Variants in RPH3A observed in about 807,000 individuals in gnomAD.
RPH3A encodes the protein rabphilin 3A, also known as rabphilin-3A.
A neutral mutation model predicts 102.2 loss-of-function variants in RPH3A; 48 were observed. That is an observed-to-expected ratio of 0.47 (90% confidence interval 0.37 to 0.60). The LOEUF (loss-of-function observed/expected upper bound fraction) is 0.60, where lower values mean the gene tolerates loss of function less well. RPH3A is among the 20% of genes least tolerant of loss of function. The pLI, the probability that RPH3A is intolerant of heterozygous loss-of-function variation, is 0.00. For missense variants in RPH3A, 781 were observed against 910.1 expected (o/e 0.86, Z 1.83); for synonymous variants, 310 against 324.3 (o/e 0.96, Z 0.47).
intron 1 of RPH3A, among the ~76,000 whole-genome samples, chr12:112,629,511 C>CA (rs2039789184): frequency 6.9e-6 from 1 of 143,920 alleles, no homozygotes; most frequent in African/African-American, 2.7e-5. Flanking sequence ...CTCTGTCACC[C>CA]AGGCTGGAGT....
intron 1 of RPH3A, among the ~76,000 whole-genome samples, chr12:112,767,743 T>C (rs1050441689): frequency 3.9e-5 from 6 of 152,108 alleles, no homozygotes; most frequent in African/African-American, 1.4e-4. Flanking sequence ...CACAGGACTT[T>C]GGTGGGAATT....
chr12:112,694,663 C>G lies in RPH3A; in HGVS notation c.-139-97480C>G, dbSNP rs1406258765. Among the ~76,000 whole-genome samples, 31 of 147,122 alleles carry G rather than the reference C, an allele frequency of 2.1e-4. No individual in the cohort carries two copies. The South Asian group carries it at 6.0e-3, about 28-fold the overall frequency. ...GCGCGCGCACACGCACACACACACACACACACACACACACACACACAGAGA... is the reference window on the plus strand; with the variant it reads ...GCGCGCGCACACGCACACACACACAGACACACACACACACACACACAGAGA... On this transcript the variant is annotated intron_variant, in intron 1 of 21. Transcript: ENST00000543106.
chr12:112,868,086 G>A (rs2042641991), intron 7 of RPH3A: 2 of 222,140 alleles, frequency 9.0e-6, no homozygotes, highest in Non-Finnish European at 1.8e-5. Context: ...GTGTAGTGGA[G>A]AGCATGCCAC....
chr12:112,647,484 A>G (rs534775271), intron 1 of RPH3A, among the ~76,000 whole-genome samples: 47 of 152,308 alleles, frequency 3.1e-4, no homozygotes, highest in Non-Finnish European at 4.6e-4. Context: ...AATAAAACAG[A>G]GAGATGTTCT....
chr12:112,818,307 TAAAAAA>T (rs745954372), intron 2 of RPH3A, among the ~76,000 whole-genome samples: 1 of 43,832 alleles, frequency 2.3e-5, no homozygotes, highest in African/African-American at 7.9e-5. Context: ...TCAAGAAGAA[TAAAAAA>T]AAAAAAAAAA....
chr12:112,579,072 T>C (rs1278984814), intron 1 of RPH3A, among the ~76,000 whole-genome samples: 1 of 152,228 alleles, frequency 6.6e-6, no homozygotes, highest in African/African-American at 2.4e-5. Context: ...ATACTTTTTT[T>C]GTATACAATT....
intron 1 of RPH3A, among the ~76,000 whole-genome samples, chr12:112,669,300 C>T (rs1007635685): frequency 1.4e-4 from 21 of 152,124 alleles, no homozygotes; most frequent in South Asian, 4.2e-4. Context: ...TTGATCATTC[C>T]ATGTTGTAAA....
chr12:112,802,702 T>C (rs1368742288), intron 2 of RPH3A, among the ~76,000 whole-genome samples: 1 of 152,032 alleles, frequency 6.6e-6, no homozygotes, highest in South Asian at 2.1e-4. Flanking sequence ...CTTAAATGGC[T>C]ACTTCCCACT....
rs1158230534 is a variant in RPH3A at position 112,640,325 on chromosome 12, C to CAAA, written c.-140+65045_-140+65047dup. Among the ~76,000 whole-genome samples the CAAA allele has an allele frequency of 6.4e-3, 90 of 14,074 alleles. 33 individuals are homozygous for CAAA. The highest frequency in any genetic ancestry group is 0.014 in the Non-Finnish European group (52 of 3,598). 9.2% of individuals were successfully genotyped at this position (14,074 alleles called of 152,430 possible). A position where few individuals can be genotyped will look rare whatever the true frequency, so the allele number is the denominator to read the frequency against. On this transcript the variant is annotated intron_variant, in intron 1 of 21. Transcript: ENST00000543106. ...GGTCAACAAGAGCAAAACTCCATCT[C>CAAA]AAAAAAAAAAAAAAAAAAAAAAAAA...
chr12:112,837,347 CCAAA>C (rs1433626140), intron 4 of RPH3A, among the ~76,000 whole-genome samples: 6 of 152,144 alleles, frequency 3.9e-5, no homozygotes, highest in African/African-American at 1.2e-4. Flanking sequence ...TAAAGCTTAA[CCAAA>C]CAAAGTTAGA....
rs1051418685 is a variant in RPH3A, at chr12:112,640,329, A to C, written c.-140+65010A>C. Among the ~76,000 whole-genome samples, 31 of 93,782 alleles carry C rather than the reference A, an allele frequency of 3.3e-4. 1 individual carries two copies. The East Asian group carries it at 3.4e-3, about 10-fold the overall frequency. 61.5% of individuals were successfully genotyped at this position (93,782 alleles called of 152,430 possible). On this transcript the variant is annotated intron_variant, in intron 1 of 21. Transcript: ENST00000543106. ...AACAAGAGCAAAACTCCATCTCAAA[A>C]AAAAAAAAAAAAAAAAAAAAAAAAA...
At chr12:112,857,148 C>T (rs2042424775) in intron 5 of RPH3A, among the ~76,000 whole-genome samples, 1 of 152,082 alleles carries the variant, frequency 6.6e-6, no homozygotes, top group South Asian at 2.1e-4. Flanking sequence ...TGACCGGAAC[C>T]TCACAGGGTC....
At chr12:112,689,594 A>G (rs1392145141) in intron 1 of RPH3A, among the ~76,000 whole-genome samples, 1 of 152,250 alleles carries the variant, frequency 6.6e-6, no homozygotes, top group Non-Finnish European at 1.5e-5. Context: ...ACTTGTGTTA[A>G]TTTGGGTCAG....
chr12:112,618,498 C>A (rs73431646), intron 1 of RPH3A, among the ~76,000 whole-genome samples: 3,460 of 152,242 alleles, frequency 0.023, 138 homozygotes, highest in African/African-American at 0.078. Context: ...AGGCTCCCAC[C>A]CTCTCTAAGT....
intron 4 of RPH3A, among the ~76,000 whole-genome samples, chr12:112,844,778 C>T (rs2042202616): frequency 6.6e-6 from 1 of 152,270 alleles, no homozygotes; most frequent in South Asian, 2.1e-4. Context: ...ATTATAGAAA[C>T]CATTGATTAT....
chr12:112,647,444 G>A (rs2039939821), intron 1 of RPH3A, among the ~76,000 whole-genome samples: 1 of 152,202 alleles, frequency 6.6e-6, no homozygotes, highest in Admixed American at 6.5e-5. Context: ...CGTGATAGGT[G>A]TGTTATTCTT....
chr12:112,738,727 G>T (rs759334575), intron 1 of RPH3A, among the ~76,000 whole-genome samples: 1 of 152,080 alleles, frequency 6.6e-6, no homozygotes, highest in Non-Finnish European at 1.5e-5. Flanking sequence ...AATTAAACCC[G>T]TCCCATCACA....
At chr12:112,694,988 A>G (rs116051438) in intron 1 of RPH3A, 1 of 170,400 alleles carries the variant, frequency 5.9e-6, no homozygotes, top group African/African-American at 2.4e-5. Flanking sequence ...TAAGTTTTAT[A>G]TACAACATTT....
At chr12:112,869,155 C>T (rs2042662142) in intron 8 of RPH3A, 2 of 153,066 alleles carry the variant, frequency 1.3e-5, no homozygotes, top group South Asian at 4.1e-4. Flanking sequence ...TAAAAAGCAA[C>T]CATAGTAAAA....
Sources: gnomAD v4.1 joint callset for allele counts (sites outside exome capture counted in the v4.1 genomes callset) on GRCh38, gnomAD v4.1.1 for gene constraint, MANE v1.5 for transcripts, NCBI Gene and HGNC (gene_info 2026-07-23, HGNC 2026-07-21) for gene names.